CTNND2: variants seen among roughly 807,000 people sequenced by gnomAD.
CTNND2 encodes the protein catenin delta-2.
A neutral mutation model predicts 144.4 loss-of-function variants in CTNND2; 22 were observed. That is an observed-to-expected ratio of 0.15 (90% CI 0.11 to 0.22). The LOEUF (loss-of-function observed/expected upper bound fraction) is 0.22. Ranked by LOEUF, CTNND2 falls within the 10% of genes least tolerant of loss-of-function variation. CTNND2 has a pLI of 1.00. For missense variants in CTNND2, 1,353 were observed against 1,618.8 expected (o/e 0.84, Z 2.82); for synonymous variants, 751 against 695.6 (o/e 1.08, Z -1.25).
intron 8 of CTNND2, among the ~76,000 whole-genome samples, chr5:11,347,723 T>C (rs1177144551): frequency 4.6e-5 from 7 of 152,204 alleles, no homozygotes; most frequent in Non-Finnish European, 1.0e-4. Context: ...GGGTGCTCTA[T>C]GGGAATTAGG....
intron 16 of CTNND2, among the ~76,000 whole-genome samples, chr5:11,061,294 A>T (rs1358388638): frequency 6.6e-6 from 1 of 152,160 alleles, no homozygotes. Context: ...CTTCCATCTT[A>T]TCTACTGTCT....
At chr5:11,028,506 T>C (rs1743096824) in intron 16 of CTNND2, among the ~76,000 whole-genome samples, 1 of 152,214 alleles carries the variant, frequency 6.6e-6, no homozygotes, top group Non-Finnish European at 1.5e-5. Context: ...AAATTGAAAC[T>C]TTAAAAGCAT....
chr5:11,157,305 T>C (rs927021380), intron 12 of CTNND2, among the ~76,000 whole-genome samples: 1 of 152,238 alleles, frequency 6.6e-6, no homozygotes, highest in Admixed American at 6.5e-5. Flanking sequence ...CTGCCCTCCA[T>C]GATGCTTTCC....
intron 1 of CTNND2, among the ~76,000 whole-genome samples, chr5:11,734,995 ATGGGG>A (rs1251906739): frequency 6.6e-6 from 1 of 152,196 alleles, no homozygotes; most frequent in Non-Finnish European, 1.5e-5. Flanking sequence ...AATATCACCA[ATGGGG>A]ATTGGAATAG....
intron 11 of CTNND2, among the ~76,000 whole-genome samples, chr5:11,191,759 T>C (rs1322180841): frequency 1.3e-5 from 2 of 152,204 alleles, no homozygotes; most frequent in South Asian, 2.1e-4. Flanking sequence ...GGAATAATCA[T>C]GCAGAGTTCC....
chr5:11,095,142 C>T (rs1251239586), intron 15 of CTNND2, among the ~76,000 whole-genome samples: 1 of 152,158 alleles, frequency 6.6e-6, no homozygotes, highest in Non-Finnish European at 1.5e-5. Flanking sequence ...TCTTACTCTA[C>T]ACACCTAAAG....
chr5:11,281,094 A>C (rs1398820145), intron 9 of CTNND2, among the ~76,000 whole-genome samples: 3 of 152,212 alleles, frequency 2.0e-5, no homozygotes, highest in Admixed American at 6.6e-5. Flanking sequence ...CCATGTAGCT[A>C]GTGTATTGCA....
chr5:11,870,723 G>T (rs1466514344), intron 1 of CTNND2, among the ~76,000 whole-genome samples: 1 of 152,206 alleles, frequency 6.6e-6, no homozygotes, highest in African/African-American at 2.4e-5. Context: ...GGCATGAAGA[G>T]GTGGCCCCAG....
chr5:11,162,145 T>C (rs950389829), intron 11 of CTNND2, among the ~76,000 whole-genome samples: 1 of 151,938 alleles, frequency 6.6e-6, no homozygotes, highest in African/African-American at 2.4e-5. Context: ...AGAGCAAGGT[T>C]CCATCTCGGG....
At chr5:11,067,484 C>T (rs757093912) in intron 16 of CTNND2, among the ~76,000 whole-genome samples, 1 of 152,170 alleles carries the variant, frequency 6.6e-6, no homozygotes, top group African/African-American at 2.4e-5. Context: ...AGGGAATAAC[C>T]AGATGCTGCC....
At chr5:11,402,836 T>C (rs1760751188) in intron 5 of CTNND2, among the ~76,000 whole-genome samples, 4 of 152,340 alleles carry the variant, frequency 2.6e-5, no homozygotes, top group Middle Eastern at 3.4e-3. Context: ...GCTTTCAATG[T>C]GTAATGCTTT....
chr5:11,742,111 G>C (rs1448470373), intron 1 of CTNND2, among the ~76,000 whole-genome samples: 2 of 151,888 alleles, frequency 1.3e-5, no homozygotes, highest in African/African-American at 2.4e-5. Flanking sequence ...TATACTGCTT[G>C]GGTGATGGGT....
intron 3 of CTNND2, among the ~76,000 whole-genome samples, chr5:11,452,506 G>T (rs1453093518): frequency 6.6e-6 from 1 of 152,190 alleles, no homozygotes; most frequent in Admixed American, 6.5e-5. Flanking sequence ...TTCACTTTCT[G>T]CAGCTCAGCT....
chr5:11,067,761 A>C (rs2149605963), intron 16 of CTNND2, among the ~76,000 whole-genome samples: 1 of 152,320 alleles, frequency 6.6e-6, no homozygotes, highest in South Asian at 2.1e-4. Context: ...GAGCTCTTTA[A>C]ACCCATCCTC....
At chr5:11,256,533 A>G (rs1009358197) in intron 9 of CTNND2, among the ~76,000 whole-genome samples, 2 of 152,238 alleles carry the variant, frequency 1.3e-5, no homozygotes, top group African/African-American at 4.8e-5. Context: ...CATATAGTAG[A>G]TATTCAATGA....
At chr5:11,457,782 C>A (rs1043977264) in intron 3 of CTNND2, among the ~76,000 whole-genome samples, 1 of 152,248 alleles carries the variant, frequency 6.6e-6, no homozygotes, top group Non-Finnish European at 1.5e-5. Flanking sequence ...GATCCAACAA[C>A]ATGGCCCATC....
chr5:11,794,540 C>CAGATG (rs1298755366), intron 1 of CTNND2, among the ~76,000 whole-genome samples: 29 of 152,158 alleles, frequency 1.9e-4, no homozygotes, highest in African/African-American at 6.8e-4. Context: ...CATCTGTAGA[C>CAGATG]TCTTCTTTGT....
At chr5:11,814,525 G>C (rs1792521567) in intron 1 of CTNND2, among the ~76,000 whole-genome samples, 1 of 152,228 alleles carries the variant, frequency 6.6e-6, no homozygotes, top group Non-Finnish European at 1.5e-5. Flanking sequence ...CATGTGGTGA[G>C]CCAGGTTGGA....
intron 3 of CTNND2, among the ~76,000 whole-genome samples, chr5:11,528,735 C>T (rs530866162): frequency 6.6e-6 from 1 of 152,320 alleles, no homozygotes; most frequent in African/African-American, 2.4e-5. Context: ...ACACCTTACA[C>T]CCTGGAGTCT....
Sources: gnomAD v4.1 joint callset for allele counts (sites outside exome capture counted in the v4.1 genomes callset) on GRCh38, gnomAD v4.1.1 for gene constraint, MANE v1.5 for transcripts, NCBI Gene and HGNC (gene_info 2026-07-23, HGNC 2026-07-21) for gene names.